SEMA5A: variants seen among roughly 807,000 people sequenced by gnomAD.
SEMA5A encodes the protein semaphorin 5A.
SEMA5A carries 55 observed loss-of-function variants against 135.5 expected under a neutral mutation model. That is an observed-to-expected ratio of 0.41 (90% CI 0.33 to 0.51). The LOEUF (loss-of-function observed/expected upper bound fraction) is 0.51, where lower values mean the gene tolerates loss of function less well. Among genes scored for constraint, SEMA5A ranks in the 20% least tolerant of loss-of-function variants. The pLI is 0.37. For synonymous variants in SEMA5A, 580 were observed against 546.5 expected, an observed-to-expected ratio of 1.06 and a Z score of -0.85; for missense variants, 1,290 against 1,419.9, an observed-to-expected ratio of 0.91 and a Z score of 1.47.
intron 8 of SEMA5A, among the ~76,000 whole-genome samples, chr5:9,221,509 A>G (rs902457443): frequency 1.5e-4 from 22 of 151,542 alleles, no homozygotes; most frequent in Admixed American, 3.3e-4. Flanking sequence ...TCACAGTGTT[A>G]GCCAGGATGG....
chr5:9,154,316 C>T (rs987047772), intron 12 of SEMA5A, among the ~76,000 whole-genome samples, 172 bp downstream of exon 12: 2 of 151,646 alleles, frequency 1.3e-5, no homozygotes, highest in African/African-American at 4.8e-5. Flanking sequence ...TTATTCTCAT[C>T]ACAGTGAATC....
chr5:9,459,756 A>T (rs988926797), intron 1 of SEMA5A, among the ~76,000 whole-genome samples: 4 of 152,256 alleles, frequency 2.6e-5, no homozygotes, highest in African/African-American at 9.6e-5. Context: ...GATAAAGATC[A>T]TTAAATCTCA....
chr5:9,152,618 G>A (rs146676797), intron 12 of SEMA5A, among the ~76,000 whole-genome samples: 355 of 152,274 alleles, frequency 2.3e-3, no homozygotes, highest in African/African-American at 8.1e-3. Flanking sequence ...GCTTATTGCT[G>A]TGATTACACA....
intron 5 of SEMA5A, among the ~76,000 whole-genome samples, chr5:9,298,082 T>C (rs1390336339): frequency 8.5e-5 from 13 of 152,132 alleles, no homozygotes; most frequent in Admixed American, 8.5e-4. Context: ...TACGGTGAAG[T>C]CCTAACCCCC....
At chr5:9,461,572 T>C (rs1759058303) in intron 1 of SEMA5A, among the ~76,000 whole-genome samples, 1 of 152,178 alleles carries the variant, frequency 6.6e-6, no homozygotes. Flanking sequence ...CATCTTCTGA[T>C]TTTTTACAGT....
At chr5:9,371,902 C>T (rs1326476080) in intron 3 of SEMA5A, among the ~76,000 whole-genome samples, 1 of 152,178 alleles carries the variant, frequency 6.6e-6, no homozygotes, top group Non-Finnish European at 1.5e-5. Context: ...CAACAGTTAG[C>T]AGTGTCTTCC....
At chr5:9,388,149 T>C (rs1182635645) in intron 2 of SEMA5A, among the ~76,000 whole-genome samples, 1 of 152,220 alleles carries the variant, frequency 6.6e-6, no homozygotes, top group South Asian at 2.1e-4. Context: ...TGGAATTTTA[T>C]GGCTATATAA....
intron 7 of SEMA5A, among the ~76,000 whole-genome samples, chr5:9,225,655 G>A (rs1460731170): frequency 1.3e-5 from 2 of 151,628 alleles, no homozygotes; most frequent in Non-Finnish European, 2.9e-5. Flanking sequence ...GTGTTCACAA[G>A]TAAGGATGTG....
At chr5:9,411,447 A>C (rs1757103700) in intron 2 of SEMA5A, among the ~76,000 whole-genome samples, 1 of 152,150 alleles carries the variant, frequency 6.6e-6, no homozygotes, top group African/African-American at 2.4e-5. Flanking sequence ...TTAGTTGCGC[A>C]CCCATAGAAG....
At chr5:9,160,717 T>C (rs1743207129) in intron 11 of SEMA5A, among the ~76,000 whole-genome samples, 1 of 152,268 alleles carries the variant, frequency 6.6e-6, no homozygotes, top group Non-Finnish European at 1.5e-5. Context: ...AGGTATAAAA[T>C]GCAGAGGTAA....
At chr5:9,254,413 G>A (rs747840604) in intron 5 of SEMA5A, among the ~76,000 whole-genome samples, 6 of 152,176 alleles carry the variant, frequency 3.9e-5, no homozygotes, top group Non-Finnish European at 8.8e-5. Flanking sequence ...AGAAGTTCTT[G>A]AGAGATAAGA....
intron 5 of SEMA5A, among the ~76,000 whole-genome samples, chr5:9,303,721 T>C (rs2150620036): frequency 6.6e-6 from 1 of 152,274 alleles, no homozygotes; most frequent in Admixed American, 6.5e-5. Context: ...CATCAATATG[T>C]ACAAATACAA....
chr5:9,237,195 T>C (rs779451619), intron 6 of SEMA5A, among the ~76,000 whole-genome samples: 3 of 152,276 alleles, frequency 2.0e-5, no homozygotes, highest in South Asian at 2.1e-4. Context: ...TTTCCTCAAG[T>C]TGATCATGAA....
chr5:9,098,237 C>CAATAAATAAATAAATA (rs3063984), intron 16 of SEMA5A, among the ~76,000 whole-genome samples: 182 of 140,306 alleles, frequency 1.3e-3, no homozygotes, highest in African/African-American at 4.5e-3. Context: ...GACTCTGTCT[C>CAATAAATAAATAAATA]AATAAATAAA....
intron 11 of SEMA5A, among the ~76,000 whole-genome samples, chr5:9,170,618 C>T (rs1743865330): frequency 6.6e-6 from 1 of 152,012 alleles, no homozygotes; most frequent in African/African-American, 2.4e-5. Flanking sequence ...AAATAGGTCT[C>T]AGAGCCCTGC....
At chr5:9,503,376 T>G (rs1037824780) in intron 1 of SEMA5A, among the ~76,000 whole-genome samples, 1 of 152,264 alleles carries the variant, frequency 6.6e-6, no homozygotes, top group South Asian at 2.1e-4. Context: ...CATAGCAGGT[T>G]GCTGGGGAAA....
intron 8 of SEMA5A, among the ~76,000 whole-genome samples, chr5:9,210,408 C>G (rs1184145122): frequency 6.6e-6 from 1 of 152,178 alleles, no homozygotes; most frequent in Admixed American, 6.5e-5. Context: ...CATTAAATTA[C>G]CACACAGGCT....
chr5:9,524,096 G>A (rs555795064), intron 1 of SEMA5A, among the ~76,000 whole-genome samples: 18 of 152,288 alleles, frequency 1.2e-4, no homozygotes, highest in African/African-American at 4.1e-4. Context: ...GCAGTGTTGT[G>A]ATGGAGTTCT....
chr5:9,482,630 T>G (rs62341317), intron 1 of SEMA5A, among the ~76,000 whole-genome samples: 1 of 152,138 alleles, frequency 6.6e-6, no homozygotes, highest in Non-Finnish European at 1.5e-5. Flanking sequence ...CCAATTTCCA[T>G]GGTGTAAACA....
Sources: allele counts gnomAD v4.1 joint callset (sites outside exome capture counted in the v4.1 genomes callset), GRCh38; gene constraint gnomAD v4.1.1; transcripts MANE v1.5; gene names NCBI Gene and HGNC (gene_info 2026-07-23, HGNC 2026-07-21).